The following IL1RAPL1 variants were observed in gnomAD, a reference collection of about 807,000 sequenced individuals.
IL1RAPL1 encodes interleukin-1 receptor accessory protein-like 1.
A neutral mutation model predicts 48.4 loss-of-function variants in IL1RAPL1; 3 were observed. That is an observed-to-expected ratio of 0.06 (90% CI 0.03 to 0.16). The LOEUF (loss-of-function observed/expected upper bound fraction) is 0.16. IL1RAPL1 is among the 10% of genes least tolerant of loss of function. IL1RAPL1 has a pLI of 1.00. For synonymous variants in IL1RAPL1, 185 were observed against 187.7 expected (o/e 0.99, Z 0.12); for missense variants, 349 against 530.6 (o/e 0.66, Z 3.36).
intron 3 of IL1RAPL1, among the ~76,000 whole-genome samples, chrX:29,354,345 A>T (rs962290092): frequency 7.2e-5 from 8 of 111,764 alleles, no homozygotes; most frequent in African/African-American, 2.3e-4. Flanking sequence ...TTAGAAAACC[A>T]TTAGTATCCA....
At chrX:29,110,852 C>G (rs985265664) in intron 2 of IL1RAPL1, among the ~76,000 whole-genome samples, 1 of 111,211 alleles carries the variant, frequency 9.0e-6, no homozygotes. Flanking sequence ...TCAGCTGATA[C>G]TGGTTTCATT....
intron 6 of IL1RAPL1, among the ~76,000 whole-genome samples, chrX:29,827,435 G>A (rs1320399175): frequency 3.6e-5 from 4 of 112,051 alleles, no homozygotes; most frequent in South Asian, 3.7e-4. Flanking sequence ...ATTCAGGTGC[G>A]TGAAGATAGA....
At chrX:29,423,330 C>T (rs182755453) in intron 5 of IL1RAPL1, among the ~76,000 whole-genome samples, 72 of 112,055 alleles carry the variant, frequency 6.4e-4, no homozygotes, top group Non-Finnish European at 9.6e-4. Context: ...CTCCCTAAAA[C>T]GTATAAAGCC....
chrX:29,668,017 A>T (rs1042202240), intron 5 of IL1RAPL1, among the ~76,000 whole-genome samples: 8 of 111,668 alleles, frequency 7.2e-5, no homozygotes, highest in Non-Finnish European at 1.3e-4. Context: ...GAATAATGAG[A>T]TAAATTTATG....
chrX:29,630,698 C>T (rs1240941059), intron 5 of IL1RAPL1, among the ~76,000 whole-genome samples: 1 of 110,743 alleles, frequency 9.0e-6, no homozygotes, highest in Non-Finnish European at 1.9e-5. Flanking sequence ...ACCACCATGC[C>T]CAGCTAATTT....
intron 6 of IL1RAPL1, among the ~76,000 whole-genome samples, chrX:29,707,994 CT>C (rs982900804): frequency 1.8e-5 from 2 of 109,574 alleles, no homozygotes; most frequent in African/African-American, 6.6e-5. Context: ...AAAAAAATTG[CT>C]TTTTTTCCCA....
At chrX:29,028,611 G>A (rs1926546185) in intron 2 of IL1RAPL1, among the ~76,000 whole-genome samples, 1 of 111,263 alleles carries the variant, frequency 9.0e-6, no homozygotes, top group African/African-American at 3.3e-5. Context: ...TATGAATTCA[G>A]TGTTTTTAGA....
intron 6 of IL1RAPL1, among the ~76,000 whole-genome samples, chrX:29,916,506 C>T (rs1025605263): frequency 1.8e-5 from 2 of 111,694 alleles, no homozygotes; most frequent in Non-Finnish European, 3.8e-5. Context: ...TCACGTGGTG[C>T]CCATCCCTGA....
At chrX:28,932,432 C>T (rs1384722278) in intron 2 of IL1RAPL1, among the ~76,000 whole-genome samples, 2 of 111,538 alleles carry the variant, frequency 1.8e-5, no homozygotes, top group Admixed American at 9.6e-5. Flanking sequence ...AGGTTTTTCT[C>T]GATCCTTCCT....
intron 5 of IL1RAPL1, among the ~76,000 whole-genome samples, chrX:29,625,099 C>T (rs916380313): frequency 1.8e-5 from 2 of 111,502 alleles, no homozygotes; most frequent in Non-Finnish European, 3.8e-5. Context: ...ATGTGCGTGG[C>T]TTTGTTCCAA....
chrX:28,939,868 G>C (rs898950870), intron 2 of IL1RAPL1, among the ~76,000 whole-genome samples: 1 of 110,770 alleles, frequency 9.0e-6, no homozygotes, highest in Admixed American at 9.6e-5. Context: ...CTTTAGGTAG[G>C]GAATGACAGA....
At chrX:29,772,850 C>T (rs896127589) in intron 6 of IL1RAPL1, among the ~76,000 whole-genome samples, 5 of 111,031 alleles carry the variant, frequency 4.5e-5, no homozygotes, top group Non-Finnish European at 9.4e-5. Flanking sequence ...GCTGTGGAGC[C>T]CTGTGGTTCA....
intron 6 of IL1RAPL1, among the ~76,000 whole-genome samples, chrX:29,715,469 C>T (rs751577250): frequency 4.5e-5 from 5 of 111,701 alleles, no homozygotes; most frequent in Non-Finnish European, 9.4e-5. Context: ...GCTCTTTGTC[C>T]TGTCTCTCCT....
intron 5 of IL1RAPL1, among the ~76,000 whole-genome samples, chrX:29,407,607 CACTT>C (rs200397443): frequency 0.016 from 1,828 of 112,054 alleles, 26 homozygotes; most frequent in African/African-American, 0.057. Flanking sequence ...TACACACAAA[CACTT>C]ACATATTTCC....
chrX:28,847,752 C>T (rs1361599292), intron 2 of IL1RAPL1, among the ~76,000 whole-genome samples: 1 of 111,666 alleles, frequency 9.0e-6, no homozygotes, highest in Non-Finnish European at 1.9e-5. Flanking sequence ...TTTTCTCAAA[C>T]ACCTCTGCTT....
intron 2 of IL1RAPL1, among the ~76,000 whole-genome samples, chrX:29,039,856 T>G (rs1260506219): frequency 9.4e-6 from 1 of 106,545 alleles, no homozygotes; most frequent in Non-Finnish European, 1.9e-5. Flanking sequence ...ATCAAGATAT[T>G]AAAGTTGCCT....
chrX:29,105,928 A>T (rs1928438032), intron 2 of IL1RAPL1, among the ~76,000 whole-genome samples: 1 of 111,919 alleles, frequency 8.9e-6, no homozygotes. Context: ...TCTCCAAAAA[A>T]TCTTCCTTAT....
chrX:29,659,339 A>G (rs1925774659), intron 5 of IL1RAPL1, among the ~76,000 whole-genome samples: 2 of 112,335 alleles, frequency 1.8e-5, no homozygotes, highest in African/African-American at 6.5e-5. Context: ...TTCACGTAAT[A>G]TAATGACTTT....
chrX:29,536,206 C>T (rs1308812259), intron 5 of IL1RAPL1, among the ~76,000 whole-genome samples: 1 of 111,678 alleles, frequency 9.0e-6, no homozygotes, highest in African/African-American at 3.2e-5. Context: ...AGCATTAAAA[C>T]AAGTATGAGA....
Sources: gnomAD v4.1 joint callset for allele counts (sites outside exome capture counted in the v4.1 genomes callset) on GRCh38, gnomAD v4.1.1 for gene constraint, MANE v1.5 for transcripts, NCBI Gene and HGNC (gene_info 2026-07-23, HGNC 2026-07-21) for gene names.